Variants in HDX observed in about 807,000 individuals in gnomAD.
HDX encodes the protein chromosome X open reading frame 43.
Under a neutral mutation model 45.2 loss-of-function variants are expected in HDX, and 19 were observed. That is an observed-to-expected ratio of 0.42 (90% CI 0.29 to 0.62). The LOEUF is 0.62. Ranked by LOEUF, HDX falls within the 20% of genes least tolerant of loss-of-function variation. HDX has a pLI of 0.20. For missense variants in HDX, 532 were observed against 493.9 expected, an observed-to-expected ratio of 1.08 and a Z score of -0.73; for synonymous variants, 188 against 172.8, an observed-to-expected ratio of 1.09 and a Z score of -0.69.
intron 2 of HDX, among the ~76,000 whole-genome samples, chrX:84,486,287 C>T (rs960967728): frequency 7.5e-4 from 83 of 111,176 alleles, no homozygotes; most frequent in African/African-American, 2.6e-3. Flanking sequence ...CTTTTCCCTC[C>T]CCTCTTTGTT....
chrX:84,461,539 T>C (rs2040238055), intron 4 of HDX, among the ~76,000 whole-genome samples: 4 of 110,704 alleles, frequency 3.6e-5, no homozygotes, highest in African/African-American at 9.9e-5. Context: ...AAAACAAATC[T>C]AAGACCAGAA....
chrX:84,441,009 G>A (rs1369608287), intron 4 of HDX, among the ~76,000 whole-genome samples: 1 of 111,194 alleles, frequency 9.0e-6, no homozygotes, highest in Non-Finnish European at 1.9e-5. Context: ...AAACTGCAGA[G>A]AGTACTGAAC....
At position 84,391,101 on chromosome X, in the gene HDX, T is replaced by C. The variant is rs141333887; in HGVS notation, c.1306-29489A>G. On this transcript the variant is annotated intron_variant, in intron 5 of 10. Coordinates refer to ENST00000373177, the MANE Select transcript of HDX (RefSeq NM_001177479.2). ...TTTGTATCCATTAATAAACCTTTTT[T>C]AATCACCCCTCCCATCCACACTATT... Among the ~76,000 whole-genome samples the C allele has an allele frequency of 5.5e-3, 619 of 111,836 alleles. 3 individuals carry two copies. Among genetic ancestry groups the C allele is most frequent in the Non-Finnish European group, 8.9e-3 (470 of 53,087 alleles).
At chrX:84,470,318 TTTTG>T (rs1347967222) in intron 3 of HDX, among the ~76,000 whole-genome samples, 19 of 111,594 alleles carry the variant, frequency 1.7e-4, no homozygotes, top group African/African-American at 5.8e-4. Context: ...TGCCTTATCT[TTTTG>T]TAGTCTTTAC....
At chrX:84,338,704 C>T (rs1037146841) in intron 7 of HDX, among the ~76,000 whole-genome samples, 3 of 110,715 alleles carry the variant, frequency 2.7e-5, no homozygotes, top group African/African-American at 9.9e-5. Context: ...CATGGATAGA[C>T]CCTGATATGG....
intron 2 of HDX, among the ~76,000 whole-genome samples, chrX:84,484,190 T>C (rs1315811808): frequency 1.8e-5 from 2 of 111,909 alleles, no homozygotes; most frequent in African/African-American, 6.5e-5. Context: ...TGCTTCCACA[T>C]TTTGGGGTAT....
chrX:84,490,420 C>T (rs892126744), intron 1 of HDX, among the ~76,000 whole-genome samples: 6 of 111,642 alleles, frequency 5.4e-5, no homozygotes, highest in African/African-American at 1.9e-4. Flanking sequence ...TATTGCTACA[C>T]ATTTTGCTTT....
Position 84,492,955 on chromosome X carries a change from C to G in HDX, c.-109-4823G>C, listed in dbSNP as rs775050539. 8.4e-5 allele frequency among the ~76,000 whole-genome samples: 9 copies of G among 107,361 alleles called. No homozygotes were observed. In the East Asian group the frequency reaches 2.3e-3, roughly 28 times the overall value. 93.2% of individuals were successfully genotyped at this position (107,361 alleles called of 115,157 possible). ...GAGATGGAGCTTCGCTCTTGTTGCC[C>G]AGGCTGAAGTGCAATGGCGCGATTT... On this transcript the variant is annotated intron_variant, in intron 1 of 10. Transcript: ENST00000373177.
At chrX:84,351,021 ATCTATC>A (rs1437740465) in intron 6 of HDX, among the ~76,000 whole-genome samples, 10 of 108,550 alleles carry the variant, frequency 9.2e-5, no homozygotes, top group African/African-American at 3.4e-4. Context: ...CTATCTATCT[ATCTATC>A]TATCTATCTA....
At chrX:84,420,939 A>G (rs1220372577) in intron 5 of HDX, among the ~76,000 whole-genome samples, 1 of 112,173 alleles carries the variant, frequency 8.9e-6, no homozygotes, top group African/African-American at 3.2e-5. Flanking sequence ...TCCTTCAAAC[A>G]TGAGGGAGAA....
At chrX:84,418,300 T>G (rs1340305486) in intron 5 of HDX, among the ~76,000 whole-genome samples, 1 of 111,598 alleles carries the variant, frequency 9.0e-6, no homozygotes, top group Non-Finnish European at 1.9e-5. Flanking sequence ...CTTAAAATAA[T>G]CTCAAAGCAG....
At chrX:84,362,875 T>C (rs2037655537) in intron 5 of HDX, among the ~76,000 whole-genome samples, 1 of 112,038 alleles carries the variant, frequency 8.9e-6, no homozygotes, top group Non-Finnish European at 1.9e-5. Flanking sequence ...GATGTAATAC[T>C]AAACAACAGT....
At chrX:84,498,321 G>T (rs1470348001) in intron 1 of HDX, among the ~76,000 whole-genome samples, 1 of 111,636 alleles carries the variant, frequency 9.0e-6, no homozygotes, top group African/African-American at 3.2e-5. Flanking sequence ...GGACAGACAG[G>T]TTTCAACTTA....
At position 84,321,879 on chromosome X, in the gene HDX, C is replaced by A. The variant is rs1436320456; in HGVS notation, c.*10G>T. The A allele has an allele frequency of 3.4e-6, 4 of 1,185,416 alleles. No homozygotes were observed. Among genetic ancestry groups the A allele is most frequent in the African/African-American group, 1.8e-5 (1 of 56,216 alleles). ...CAAAAGACTGTATCATATATTCCCT[C>A]CAACTGAAATCACAAACTTTCTGAG... On this transcript the variant is annotated 3_prime_UTR_variant, in exon 11 of 11. Coordinates refer to ENST00000373177, the MANE Select transcript of HDX (RefSeq NM_001177479.2).
chrX:84,490,167 C>T, intron 1 of HDX, among the ~76,000 whole-genome samples: 1 of 110,910 alleles, frequency 9.0e-6, no homozygotes, highest in African/African-American at 3.3e-5. Flanking sequence ...TTTGTGTCCT[C>T]TCTCCTTTTT....
chrX:84,318,353 T>G lies in HDX; in HGVS notation c.*3536A>C. 9.0e-6 allele frequency: 1 copy of G among 110,890 alleles called. No homozygotes were observed. Among genetic ancestry groups the G allele is most frequent in the Non-Finnish European group, 1.9e-5 (1 of 52,517 alleles). The allele number at this position is 110,890 out of a possible 1,213,427, so 9.1% of individuals were successfully genotyped here. A position where few individuals can be genotyped will look rare whatever the true frequency, so the allele number is the denominator to read the frequency against. On this transcript the variant is annotated 3_prime_UTR_variant, in exon 11 of 11. Coordinates refer to ENST00000373177, the MANE Select transcript of HDX (RefSeq NM_001177479.2). Reference sequence around the variant, plus strand: ...GATACAGTGGTACTGATAACTCCCTTAAAAAGCTAACCTATCACATGTTTG... The same window carrying G: ...GATACAGTGGTACTGATAACTCCCTGAAAAAGCTAACCTATCACATGTTTG...
chrX:84,344,679 G>T (rs1338844842), intron 6 of HDX, among the ~76,000 whole-genome samples: 1 of 110,749 alleles, frequency 9.0e-6, no homozygotes, highest in Non-Finnish European at 1.9e-5. Context: ...AATTGTACCT[G>T]GTTATGGGGT....
chrX:84,366,778 G>C (rs1271549518), intron 5 of HDX, among the ~76,000 whole-genome samples: 2 of 111,481 alleles, frequency 1.8e-5, no homozygotes, highest in African/African-American at 6.5e-5. Flanking sequence ...AATGGTGTTG[G>C]GAAAACTTGC....
At chrX:84,403,913 T>A (rs2038760215) in intron 5 of HDX, 1 of 111,443 alleles carries the variant, frequency 9.0e-6, no homozygotes, top group African/African-American at 3.3e-5. Flanking sequence ...AAAAGCATGT[T>A]AATTCTTTTT....
Sources: allele counts gnomAD v4.1 joint callset (sites outside exome capture counted in the v4.1 genomes callset), GRCh38; gene constraint gnomAD v4.1.1; transcripts MANE v1.5; gene names NCBI Gene and HGNC (gene_info 2026-07-23, HGNC 2026-07-21).